The following FRMPD4 variants were observed in gnomAD, a reference collection of about 807,000 sequenced individuals.
FRMPD4 encodes the protein FERM and PDZ domain containing 4.
Under a neutral mutation model 94.1 loss-of-function variants are expected in FRMPD4, and 22 were observed. The ratio of observed to expected loss-of-function variants is 0.23; its 90% confidence interval spans 0.17 to 0.33. The LOEUF (loss-of-function observed/expected upper bound fraction) is 0.33, where lower values mean the gene tolerates loss of function less well. Ranked by LOEUF, FRMPD4 falls within the 10% of genes least tolerant of loss-of-function variation. The probability of loss-of-function intolerance (pLI) is 1.00; values close to 1 mark genes in which losing one functional copy is unlikely to be tolerated. For synonymous variants in FRMPD4, 631 were observed against 548.6 expected, an observed-to-expected ratio of 1.15 and a Z score of -2.10; for missense variants, 1,111 against 1,339.9, an observed-to-expected ratio of 0.83 and a Z score of 2.67.
At chrX:12,151,681 C>A (rs1387253566) in intron 1 of FRMPD4, among the ~76,000 whole-genome samples, 1 of 111,994 alleles carries the variant, frequency 8.9e-6, no homozygotes, top group Non-Finnish European at 1.9e-5. Flanking sequence ...TTACAGTTAA[C>A]ATAAATACAC....
intron 4 of FRMPD4, among the ~76,000 whole-genome samples, chrX:12,664,553 C>T (rs1159092100): frequency 2.7e-5 from 3 of 111,643 alleles, no homozygotes; most frequent in African/African-American, 6.5e-5. Flanking sequence ...GGGATGAAGC[C>T]GACTTGATCA....
intron 1 of FRMPD4, among the ~76,000 whole-genome samples, chrX:11,835,683 T>C (rs2053497739): frequency 8.9e-6 from 1 of 111,877 alleles, no homozygotes; most frequent in Non-Finnish European, 1.9e-5. Context: ...TTACTTCATT[T>C]CCTCTCTTCC....
chrX:11,992,987 G>GT (rs58882086), intron 3 of FRMPD4, among the ~76,000 whole-genome samples: 230 of 89,110 alleles, frequency 2.6e-3, no homozygotes, highest in Middle Eastern at 0.012. Flanking sequence ...CTGGTCCTTT[G>GT]TTTTTTTTTT....
intron 1 of FRMPD4, among the ~76,000 whole-genome samples, chrX:12,303,558 A>G (rs1235011096): frequency 8.9e-6 from 1 of 112,041 alleles, no homozygotes; most frequent in African/African-American, 3.2e-5. Flanking sequence ...GTGTGGGTCT[A>G]TATGTACTAA....
chrX:12,003,079 A>G (rs2054532539), intron 3 of FRMPD4, among the ~76,000 whole-genome samples: 1 of 111,587 alleles, frequency 9.0e-6, no homozygotes, highest in South Asian at 3.8e-4. Context: ...CATTCATTCC[A>G]GGAATTCAAA....
At chrX:12,531,262 G>T (rs1320015228) in intron 2 of FRMPD4, among the ~76,000 whole-genome samples, 1 of 112,247 alleles carries the variant, frequency 8.9e-6, no homozygotes, top group African/African-American at 3.2e-5. Flanking sequence ...AAAATGTTAT[G>T]CAAAGTCTGG....
chrX:12,590,468 CAAAGT>C (rs2058971896), intron 2 of FRMPD4, among the ~76,000 whole-genome samples: 1 of 111,634 alleles, frequency 9.0e-6, no homozygotes, highest in African/African-American at 3.2e-5. Context: ...TCTAACTAGA[CAAAGT>C]AAAGTTGACT....
At chrX:12,613,661 C>T (rs778925856) in intron 3 of FRMPD4, among the ~76,000 whole-genome samples, 5 of 111,639 alleles carry the variant, frequency 4.5e-5, no homozygotes, top group Non-Finnish European at 9.4e-5. Flanking sequence ...GCCTGGGCAA[C>T]ACAGTGAGAT....
intron 3 of FRMPD4, among the ~76,000 whole-genome samples, chrX:11,995,234 T>C (rs1030331503): frequency 1.8e-5 from 2 of 111,965 alleles, no homozygotes; most frequent in African/African-American, 6.5e-5. Context: ...AAGAACAAAG[T>C]TGATCACCAA....
At chrX:12,681,973 C>T (rs2059977316) in intron 5 of FRMPD4, among the ~76,000 whole-genome samples, 2 of 111,470 alleles carry the variant, frequency 1.8e-5, no homozygotes, top group South Asian at 3.8e-4. Flanking sequence ...CCTCCACCCC[C>T]AGCCCGTGGC....
At chrX:12,692,009 A>G (rs995205916) in intron 8 of FRMPD4, among the ~76,000 whole-genome samples, 1 of 111,938 alleles carries the variant, frequency 8.9e-6, no homozygotes, top group Admixed American at 9.5e-5. Flanking sequence ...GCAGACATCC[A>G]GTTACTACGA....
intron 1 of FRMPD4, among the ~76,000 whole-genome samples, chrX:12,369,239 G>GTT (rs1207898626): frequency 9.8e-6 from 1 of 102,190 alleles, no homozygotes; most frequent in Non-Finnish European, 2.0e-5. Flanking sequence ...AATAAACTCA[G>GTT]TTTTTTTTTT....
At chrX:11,983,659 T>C (rs2054409380) in intron 3 of FRMPD4, among the ~76,000 whole-genome samples, 1 of 112,005 alleles carries the variant, frequency 8.9e-6, no homozygotes, top group Non-Finnish European at 1.9e-5. Context: ...CCTCCTACTC[T>C]GGATTGTAAG....
At chrX:12,226,889 T>G (rs1179119556) in intron 1 of FRMPD4, among the ~76,000 whole-genome samples, 1 of 110,039 alleles carries the variant, frequency 9.1e-6, no homozygotes, top group African/African-American at 3.3e-5. Flanking sequence ...CACTATATTT[T>G]AGAATTTTAT....
chrX:12,043,809 T>A (rs371784181), intron 3 of FRMPD4, among the ~76,000 whole-genome samples: 1 of 112,084 alleles, frequency 8.9e-6, no homozygotes, highest in African/African-American at 3.2e-5. Flanking sequence ...CATAGTCTTA[T>A]TTAGCAAAAT....
At chrX:12,518,760 A>G (rs1487202859) in intron 2 of FRMPD4, among the ~76,000 whole-genome samples, 3 of 111,428 alleles carry the variant, frequency 2.7e-5, no homozygotes, top group Non-Finnish European at 1.9e-5. Context: ...AAGAGCTAAA[A>G]TTGTCTCTAT....
intron 1 of FRMPD4, among the ~76,000 whole-genome samples, chrX:12,448,622 G>T (rs1432452509): frequency 8.9e-6 from 1 of 112,235 alleles, no homozygotes; most frequent in Non-Finnish European, 1.9e-5. Context: ...AAATGGGTTT[G>T]TTTTTTTGTG....
intron 1 of FRMPD4, among the ~76,000 whole-genome samples, chrX:12,210,670 C>T (rs1165421298): frequency 9.1e-6 from 1 of 110,023 alleles, no homozygotes; most frequent in African/African-American, 3.3e-5. Flanking sequence ...TCTGATGTTC[C>T]AGAGACTCCA....
chrX:12,450,124 A>ATGAT (rs1389315684), intron 1 of FRMPD4, among the ~76,000 whole-genome samples: 3 of 111,562 alleles, frequency 2.7e-5, no homozygotes, highest in Non-Finnish European at 5.7e-5. Context: ...AGCCAAAGGA[A>ATGAT]TGATTAAAAA....
Sources: allele counts gnomAD v4.1 joint callset (sites outside exome capture counted in the v4.1 genomes callset), GRCh38; gene constraint gnomAD v4.1.1; transcripts MANE v1.5; gene names NCBI Gene and HGNC (gene_info 2026-07-23, HGNC 2026-07-21).